LAMA2: variants seen among roughly 807,000 people sequenced by gnomAD.
The protein encoded by LAMA2 is laminin subunit alpha-2.
A neutral mutation model predicts 364.8 loss-of-function variants in LAMA2; 269 were observed. The ratio of observed to expected loss-of-function variants is 0.74; its 90% confidence interval spans 0.67 to 0.82. The LOEUF is 0.82. Among genes scored for constraint, LAMA2 ranks in the 40% least tolerant of loss-of-function variants. The pLI, the probability that LAMA2 is intolerant of heterozygous loss-of-function variation, is 0.00. For synonymous variants in LAMA2, 1,379 were observed against 1,370.6 expected (o/e 1.01, Z -0.14); for missense variants, 3,807 against 3,873.2 (o/e 0.98, Z 0.45).
At chr6:129,119,883 G>A (rs1353221338) in intron 4 of LAMA2, among the ~76,000 whole-genome samples, 7 of 152,144 alleles carry the variant, frequency 4.6e-5, no homozygotes, top group African/African-American at 1.7e-4. Context: ...GCACAAAATT[G>A]TGTGAAGAAC....
In LAMA2 at chr6:129,055,448, C is replaced by T. The variant is rs371721302; in HGVS notation, c.284-4336C>T. ...ACTTCACATGATCTACCTGCCTTGG[C>T]CTCCCAAAGTGCTGGGATTACAGGT... is the stretch of plus-strand genomic sequence containing the variant. On this transcript the variant is annotated intron_variant, in intron 2 of 64. Coordinates refer to ENST00000421865, the MANE Select transcript of LAMA2 (RefSeq NM_000426.4). Among the ~76,000 whole-genome samples the T allele has an allele frequency of 2.6e-3, 397 of 152,186 alleles. 3 individuals carry two copies. Among genetic ancestry groups the T allele is most frequent in the African/African-American group, 9.1e-3 (378 of 41,526 alleles).
At chr6:129,246,839 G>T (rs544177457) in intron 12 of LAMA2, among the ~76,000 whole-genome samples, 4 of 152,254 alleles carry the variant, frequency 2.6e-5, no homozygotes, top group South Asian at 2.1e-4. Context: ...AAGAGGCAGA[G>T]AATTCTTTAT....
intron 51 of LAMA2, among the ~76,000 whole-genome samples, chr6:129,470,797 A>G (rs950508066): frequency 1.3e-5 from 2 of 151,844 alleles, no homozygotes; most frequent in African/African-American, 4.8e-5. Context: ...CAGTGACCAG[A>G]TTATTTGTTT....
intron 12 of LAMA2, among the ~76,000 whole-genome samples, chr6:129,218,109 C>T (rs1256744992): frequency 3.9e-5 from 6 of 152,124 alleles, no homozygotes; most frequent in Non-Finnish European, 5.9e-5. Flanking sequence ...TTTGCTATTA[C>T]CACAGATGGC....
chr6:129,291,689 A>G lies in LAMA2; in HGVS notation c.2825A>G (p.Asn942Ser), dbSNP rs1789712053. Reference sequence around the variant, plus strand: ...ACTGGACAGTGTGAGTGCAGAGCCAACGTTCAGGGTCAGAGATGTGACAAA... The same window carrying G: ...ACTGGACAGTGTGAGTGCAGAGCCAGCGTTCAGGGTCAGAGATGTGACAAA... ...SQTGQCECRANVQGQRCDKCK... is the reference protein window; with the variant it reads ...SQTGQCECRASVQGQRCDKCK... Residue 942 changes from asparagine (N) to serine (S), a missense_variant, in exon 20 of 65, where the codon AAC (asparagine) becomes AGC (serine). Transcript: ENST00000421865. 1.2e-6 allele frequency: 2 copies of G among 1,613,968 alleles called. No individual in the cohort carries two copies. The highest frequency in any genetic ancestry group is 2.7e-5 in the African/African-American group (2 of 75,064).
Position 129,516,461 on chromosome 6 carries a change from A to G in LAMA2, c.*114A>G. ...AAACTAATTTGTGCATGTACATAGA[A>G]TTCTTTCTGTATTCAGATGGTGCTA... is the stretch of plus-strand genomic sequence containing the variant. On this transcript the variant is annotated 3_prime_UTR_variant, in exon 65 of 65. Transcript: ENST00000421865. 9.2e-7 allele frequency: 1 copy of G among 1,088,752 alleles called. No individual in the cohort carries two copies. Among genetic ancestry groups the G allele is most frequent in the South Asian group, 1.3e-5 (1 of 74,100 alleles). The allele number at this position is 1,088,752 out of a possible 1,614,324, so 67.4% of individuals were successfully genotyped here.
intron 60 of LAMA2, among the ~76,000 whole-genome samples, chr6:129,503,892 GAAACTGGT>G (rs1361262841): frequency 6.6e-6 from 1 of 152,150 alleles, no homozygotes; most frequent in Non-Finnish European, 1.5e-5. Flanking sequence ...CTTACACCCA[GAAACTGGT>G]ACTATTATGG....
chr6:129,259,153 T>TG (rs986835999), intron 14 of LAMA2, among the ~76,000 whole-genome samples: 41 of 152,146 alleles, frequency 2.7e-4, no homozygotes, highest in African/African-American at 9.9e-4. Context: ...ATTAGCAAAG[T>TG]GGGGGTAAAA....
At chr6:129,423,006 T>G (rs1469380124) in intron 40 of LAMA2, among the ~76,000 whole-genome samples, 1 of 152,114 alleles carries the variant, frequency 6.6e-6, no homozygotes, top group Non-Finnish European at 1.5e-5. Flanking sequence ...TAAATGATAT[T>G]AATGCCAGGA....
chr6:129,308,608 G>T (rs533437790), intron 22 of LAMA2, among the ~76,000 whole-genome samples: 1 of 151,796 alleles, frequency 6.6e-6, no homozygotes, highest in African/African-American at 2.4e-5. Flanking sequence ...CTTCTGAATC[G>T]AGAAATACTT....
At chr6:129,392,857 A>G (rs895151921) in intron 36 of LAMA2, among the ~76,000 whole-genome samples, 188 bp from the exon 37 acceptor site, 2 of 152,208 alleles carry the variant, frequency 1.3e-5, no homozygotes, top group African/African-American at 4.8e-5. Context: ...TTTTATTTTA[A>G]TTAATTATAA....
At chr6:129,049,434 G>A (rs902758126) in intron 1 of LAMA2, among the ~76,000 whole-genome samples, 40 of 152,122 alleles carry the variant, frequency 2.6e-4, no homozygotes, top group Middle Eastern at 3.4e-3. Context: ...TCTAGTCTGG[G>A]ATAAAGAAGT....
intron 4 of LAMA2, among the ~76,000 whole-genome samples, chr6:129,135,160 C>T (rs1254130124): frequency 6.6e-6 from 1 of 152,050 alleles, no homozygotes; most frequent in African/African-American, 2.4e-5. Context: ...ACAGTAAAGA[C>T]TATTCCAGAA....
intron 28 of LAMA2, among the ~76,000 whole-genome samples, chr6:129,323,404 T>C (rs1300329584): frequency 1.3e-5 from 2 of 152,218 alleles, no homozygotes; most frequent in Admixed American, 6.5e-5. Flanking sequence ...CAGTTACTGC[T>C]AAAATATAGC....
intron 51 of LAMA2, among the ~76,000 whole-genome samples, chr6:129,468,042 T>C (rs1274781729): frequency 6.6e-6 from 1 of 151,842 alleles, no homozygotes; most frequent in African/African-American, 2.4e-5. Context: ...TGATACCTTC[T>C]CATTTATAAG....
At position 129,315,713 on chromosome 6, in the gene LAMA2, A is replaced by G. The variant is rs936322254; in HGVS notation, c.3736-49A>G. ...CAAGATAAAATCTTTTTAGAATCAC[A>G]CCATTTGGAGATTTATCCAATTCCT... On this transcript the variant is annotated intron_variant, in intron 25 of 64. Transcript: ENST00000421865. 7.4e-6 allele frequency: 12 copies of G among 1,611,442 alleles called. No homozygotes were observed. In the Middle Eastern group the frequency reaches 5.0e-4, roughly 67 times the overall value.
chr6:129,388,531 T>C (rs1440323039), intron 35 of LAMA2, among the ~76,000 whole-genome samples: 2 of 152,198 alleles, frequency 1.3e-5, no homozygotes, highest in Non-Finnish European at 2.9e-5. Context: ...GATTCTTCTC[T>C]GCAGAAGTTT....
chr6:128,909,712 A>T (rs1777760183), intron 1 of LAMA2, among the ~76,000 whole-genome samples: 1 of 150,288 alleles, frequency 6.7e-6, no homozygotes, highest in Non-Finnish European at 1.5e-5. Flanking sequence ...TCGTTAGTTG[A>T]TGCAGTTTCT....
In LAMA2 at chr6:129,177,910, G is replaced by A. The variant is rs1159696290; in HGVS notation, c.1467+44G>A. ...TAATGTCCCACTGTCAAGACAGAAG[G>A]TTATTTTTCTTGGCTTCTCTGTTGA... On this transcript the variant is annotated intron_variant, in intron 10 of 64. Coordinates refer to ENST00000421865, the MANE Select transcript of LAMA2 (RefSeq NM_000426.4). The A allele has an allele frequency of 3.2e-6, 5 of 1,585,458 alleles. No individual in the cohort carries two copies. In the Admixed American group the frequency reaches 6.7e-5, roughly 21 times the overall value.
Sources: allele counts gnomAD v4.1 joint callset (sites outside exome capture counted in the v4.1 genomes callset), GRCh38; gene constraint gnomAD v4.1.1; transcripts MANE v1.5; gene names NCBI Gene and HGNC (gene_info 2026-07-23, HGNC 2026-07-21).